The following HTT variants were observed in gnomAD, a reference collection of about 807,000 sequenced individuals.
HTT encodes the protein huntingtin.
In HTT, 104 loss-of-function variants were observed where a neutral mutation model predicts 362.3. The ratio of observed to expected loss-of-function variants is 0.29; its 90% CI spans 0.24 to 0.34. The LOEUF (loss-of-function observed/expected upper bound fraction) is 0.34, where lower values mean the gene tolerates loss of function less well. Among genes scored for constraint, HTT ranks in the 10% least tolerant of loss-of-function variants. HTT has a pLI of 1.00. For synonymous variants in HTT, 1,577 were observed against 1,548.7 expected (o/e 1.02, Z -0.43); for missense variants, 3,301 against 3,928.6 (o/e 0.84, Z 4.27).
At chr4:3,173,889 T>A (rs1718109773) in intron 31 of HTT, among the ~76,000 whole-genome samples, 3 of 152,134 alleles carry the variant, frequency 2.0e-5, no homozygotes, top group Admixed American at 2.0e-4. Flanking sequence ...GCCAGGATGG[T>A]CTCGATCTCC....
At chr4:3,202,559 G>C (rs185985736) in intron 41 of HTT, among the ~76,000 whole-genome samples, 104 of 152,248 alleles carry the variant, frequency 6.8e-4, no homozygotes, top group Admixed American at 1.8e-3. Flanking sequence ...ATCAACTGTA[G>C]TCAGTAACAG....
intron 29 of HTT, among the ~76,000 whole-genome samples, chr4:3,171,022 A>G (rs1358857183): frequency 6.6e-6 from 1 of 152,210 alleles, no homozygotes; most frequent in African/African-American, 2.4e-5. Context: ...TTTCTGGTGC[A>G]CATCAAGCAT....
chr4:3,228,248 C>T lies in HTT; in HGVS notation c.7849-367C>T, dbSNP rs1391582496. ...GGGTTTACCGCAATGACTGCCAGTG[C>T]GGGAGACTGGAAAAGGAATCTCACG... On this transcript the variant is annotated intron_variant, in intron 57 of 66. Transcript: ENST00000355072. The surrounding 1 kb of genome is among the most constrained non-coding windows in gnomAD (Gnocchi z 4.3). Among the ~76,000 whole-genome samples the T allele has an allele frequency of 2.0e-5, 3 of 152,174 alleles. No homozygotes were observed.
rs551440790 is a variant in HTT at position 3,198,206 on chromosome 4, G to A, written c.5369-1526G>A. 2.0e-5 allele frequency among the ~76,000 whole-genome samples: 3 copies of A among 148,818 alleles called. No individual in the cohort carries two copies. The South Asian group carries it at 6.4e-4, about 32-fold the overall frequency. On this transcript the variant is annotated intron_variant, in intron 40 of 66. Transcript: ENST00000355072. Reference sequence around the variant, plus strand: ...TGTTTTAGGACCCTTTCACTTTGGGGATGTGTTGATTTTTTTTTTTTTTTT... The same window carrying A: ...TGTTTTAGGACCCTTTCACTTTGGGAATGTGTTGATTTTTTTTTTTTTTTT...
At position 3,206,276 on chromosome 4, in the gene HTT, C is replaced by T. The variant is rs1419737916; in HGVS notation, c.5719-220C>T. The stretch of plus-strand genomic sequence containing the variant: ...CCTACTTCCCCAGGGGGCCTAACTT[C>T]ACACAGCCTCTGCCGCAGTGCGTGG... On this transcript the variant is annotated intron_variant, in intron 42 of 66. Transcript: ENST00000355072. The surrounding 1 kb of genome is among the most constrained non-coding windows in gnomAD (Gnocchi z 4.6). Among the ~76,000 whole-genome samples the T allele has an allele frequency of 6.6e-6, 1 of 152,238 alleles. No homozygotes were observed. Among genetic ancestry groups the T allele is most frequent in the African/African-American group, 2.4e-5 (1 of 41,470 alleles).
intron 21 of HTT, among the ~76,000 whole-genome samples, chr4:3,138,496 C>G (rs188614682): frequency 6.6e-6 from 1 of 152,266 alleles, no homozygotes; most frequent in East Asian, 1.9e-4. Flanking sequence ...AGAAACATGC[C>G]AAAGTATACT....
chr4:3,107,978 C>G (rs554721510), intron 6 of HTT, among the ~76,000 whole-genome samples: 1 of 152,308 alleles, frequency 6.6e-6, no homozygotes, highest in South Asian at 2.1e-4. Flanking sequence ...AAGTGACCCT[C>G]CTGGGAGGTG....
chr4:3,160,626 C>A (rs978085182), intron 29 of HTT, among the ~76,000 whole-genome samples: 7 of 152,078 alleles, frequency 4.6e-5, no homozygotes, highest in African/African-American at 7.2e-5. Flanking sequence ...TAGCTTAGAC[C>A]CAGTTTAGTT....
At chr4:3,233,398 A>G (rs1322217839) in intron 61 of HTT, 45 bp downstream of exon 61, 2 of 1,543,388 alleles carry the variant, frequency 1.3e-6, no homozygotes, top group Admixed American at 1.7e-5. Flanking sequence ...TCTCAGAATG[A>G]GCTGTGAAGG....
intron 2 of HTT, among the ~76,000 whole-genome samples, chr4:3,094,231 G>A (rs1360488029): frequency 6.6e-6 from 1 of 151,928 alleles, no homozygotes; most frequent in African/African-American, 2.4e-5. Flanking sequence ...CACGGGGTTG[G>A]GGGTAAGGTT....
In HTT at chr4:3,090,510, C is replaced by T. The variant is rs184373685; in HGVS notation, c.347+3488C>T. Among the ~76,000 whole-genome samples the T allele has an allele frequency of 7.9e-4, 121 of 152,240 alleles. 1 individual carries two copies. The highest frequency in any genetic ancestry group is 2.3e-3 in the South Asian group (11 of 4,818). ...TAGGTAAACATAAATATACAAAAAT[C>T]CATAGATCTCCCATATATTAGCATA... On this transcript the variant is annotated intron_variant, in intron 2 of 66. Coordinates refer to ENST00000355072, the MANE Select transcript of HTT (RefSeq NM_001388492.1).
At position 3,236,196 on chromosome 4, in the gene HTT, GC is replaced by G; in HGVS notation, c.8838del (p.Asp2947ThrfsTer5). ...PGRTSDPNPAAPDSESVIVAM... is the reference protein window; with the variant it reads ...PGRTSDPNPAXPDSESVIVAM... Reference sequence around the variant, plus strand: ...TAGAACTTCAGACCCTAATCCTGCAGCCCCCGACAGCGAGTCAGTGATTGTT... The same window carrying G: ...TAGAACTTCAGACCCTAATCCTGCAGCCCCGACAGCGAGTCAGTGATTGTT... On this transcript the variant is annotated frameshift_variant, in exon 64 of 67. Coordinates refer to ENST00000355072, the MANE Select transcript of HTT (RefSeq NM_001388492.1). LOFTEE classifies it high-confidence loss of function. The G allele has an allele frequency of 6.2e-7, 1 of 1,614,210 alleles. No individual in the cohort carries two copies. The highest frequency in any genetic ancestry group is 8.5e-7 in the Non-Finnish European group (1 of 1,180,006).
At chr4:3,175,185 C>A in intron 33 of HTT, 78 bp downstream of exon 33, 1 of 1,330,414 alleles carries the variant, frequency 7.5e-7, no homozygotes, top group Non-Finnish European at 1.0e-6. Context: ...CTGAAATCTA[C>A]TTTAAAGAAA....
chr4:3,154,007 A>G (rs1025426192), intron 26 of HTT, among the ~76,000 whole-genome samples: 22 of 152,312 alleles, frequency 1.4e-4, no homozygotes, highest in Non-Finnish European at 2.2e-4. Context: ...GTTGGAGGGC[A>G]TGGGCCTGGG....
intron 50 of HTT, 106 bp downstream of exon 50, chr4:3,214,241 G>A (rs1720291534): frequency 1.2e-6 from 1 of 840,708 alleles, no homozygotes; most frequent in Non-Finnish European, 1.6e-6. Context: ...TAGGAATTGG[G>A]GATGGAGAGG....
intron 41 of HTT, 104 bp downstream of exon 41, chr4:3,200,043 A>AT (rs1480169151): frequency 8.8e-6 from 8 of 909,490 alleles, no homozygotes; most frequent in African/African-American, 3.4e-5. Context: ...TTCATTTTCC[A>AT]TTTTTTGTGA....
intron 29 of HTT, among the ~76,000 whole-genome samples, chr4:3,166,210 C>G (rs558059111): frequency 6.6e-6 from 1 of 152,326 alleles, no homozygotes; most frequent in South Asian, 2.1e-4. Context: ...AGGTCCACTC[C>G]AGGCCCTGTT....
rs755012385 is a variant in HTT, at chr4:3,130,342, C to T, written c.1905C>T (p.His635=). Reference sequence around the variant, plus strand: ...CACATTTATTGAAAAACATGAGTCACTGCAGGCAGCCTTCTGACAGCAGTG... The same window carrying T: ...CACATTTATTGAAAAACATGAGTCATTGCAGGCAGCCTTCTGACAGCAGTG... The part of the protein sequence containing the change: ...QQAHLLKNMS[H]CRQPSDSSVD... Residue 635 remains histidine, a synonymous_variant, in exon 14 of 67, where the codon CAC becomes CAT. Coordinates refer to ENST00000355072, the MANE Select transcript of HTT (RefSeq NM_001388492.1). 1.2e-6 allele frequency: 2 copies of T among 1,606,464 alleles called. No individual in the cohort carries two copies. The highest frequency in any genetic ancestry group is 2.2e-5 in the East Asian group (1 of 44,636).
chr4:3,115,152 T>G, intron 6 of HTT, 152 bp from the exon 7 acceptor site: 1 of 716,336 alleles, frequency 1.4e-6, no homozygotes, highest in Non-Finnish European at 2.3e-6. Flanking sequence ...TGTCCCAAAT[T>G]TGGGGTACTT....
Sources: gnomAD v4.1 joint callset for allele counts (sites outside exome capture counted in the v4.1 genomes callset) on GRCh38, gnomAD v4.1.1 for gene constraint, Gnocchi (gnomAD v3.1) non-coding constraint, MANE v1.5 for transcripts, NCBI Gene and HGNC (gene_info 2026-07-23, HGNC 2026-07-21) for gene names.